Variants in PXDNL observed in about 807,000 individuals in gnomAD.
PXDNL encodes peroxidasin like.
Under a neutral mutation model 150.8 loss-of-function variants are expected in PXDNL, and 145 were observed. That is an observed-to-expected ratio of 0.96 (90% CI 0.84 to 1.10). PXDNL has a LOEUF of 1.10. Among genes scored for constraint, PXDNL ranks in the 50% least tolerant of loss-of-function variants. The probability of loss-of-function intolerance (pLI) is 0.00; values close to 1 mark genes in which losing one functional copy is unlikely to be tolerated. For synonymous variants in PXDNL, 757 were observed against 725.7 expected, an observed-to-expected ratio of 1.04 and a Z score of -0.69; for missense variants, 2,087 against 1,873.9, an observed-to-expected ratio of 1.11 and a Z score of -2.10.
intron 5 of PXDNL, among the ~76,000 whole-genome samples, chr8:51,491,840 GT>G (rs1395978779): frequency 3.3e-5 from 5 of 152,354 alleles, no homozygotes; most frequent in Admixed American, 2.6e-4. Flanking sequence ...GTCTTTTGAA[GT>G]TATTAACCAT....
intron 1 of PXDNL, among the ~76,000 whole-genome samples, chr8:51,799,204 AAGG>A (rs1477510839): frequency 1.3e-5 from 2 of 152,108 alleles, no homozygotes; most frequent in African/African-American, 2.4e-5. Context: ...ACATGGACAC[AAGG>A]AGGAGAAAAA....
At chr8:51,368,865 G>A (rs1807003322) in intron 19 of PXDNL, among the ~76,000 whole-genome samples, 1 of 152,014 alleles carries the variant, frequency 6.6e-6, no homozygotes, top group African/African-American at 2.4e-5. Context: ...GCGCAGTGGT[G>A]CGGGCCTGTA....
intron 4 of PXDNL, among the ~76,000 whole-genome samples, chr8:51,527,498 A>G (rs2130413366): frequency 6.6e-6 from 1 of 152,330 alleles, no homozygotes; most frequent in African/African-American, 2.4e-5. Flanking sequence ...ACACTGTTCC[A>G]GCTGCTTTAT....
At chr8:51,648,428 G>A (rs1814969476) in intron 2 of PXDNL, among the ~76,000 whole-genome samples, 1 of 152,220 alleles carries the variant, frequency 6.6e-6, no homozygotes, top group South Asian at 2.1e-4. Context: ...AGAGATTGGA[G>A]TGATGTGGAC....
At chr8:51,651,408 A>G (rs1193181974) in intron 2 of PXDNL, among the ~76,000 whole-genome samples, 1 of 152,228 alleles carries the variant, frequency 6.6e-6, no homozygotes, top group Non-Finnish European at 1.5e-5. Flanking sequence ...TTCAAAATAA[A>G]ACGTCAGAGG....
chr8:51,320,824 T>C lies in PXDNL; in HGVS notation c.4220A>G (p.Glu1407Gly), dbSNP rs1805293973. 1 of 1,613,962 alleles carries C rather than the reference T, an allele frequency of 6.2e-7. No individual in the cohort carries two copies. The highest frequency in any genetic ancestry group is 8.5e-7 in the Non-Finnish European group (1 of 1,179,856). Residue 1407 changes from glutamate (E) to glycine (G), a missense_variant, in exon 22 of 23, where the codon GAG (glutamate) becomes GGG (glycine). Transcript: ENST00000356297. ...DVRGVPRKAE[E>G]RWMKEDCTHC... ...AGTGCAGTCTTCTTTCATCCAGCGC[T>C]CCTCGGCCTTCCTTGGAACCCCTCT...
intron 3 of PXDNL, among the ~76,000 whole-genome samples, chr8:51,576,060 A>G (rs1459034343): frequency 7.4e-6 from 1 of 135,540 alleles, no homozygotes; most frequent in Non-Finnish European, 1.5e-5. Context: ...AGATAAATGC[A>G]TAGTTATAGT....
At chr8:51,460,918 A>T (rs1810063229) in intron 8 of PXDNL, among the ~76,000 whole-genome samples, 1 of 152,120 alleles carries the variant, frequency 6.6e-6, no homozygotes, top group Non-Finnish European at 1.5e-5. Flanking sequence ...CTGGGCTGGG[A>T]TAGAGCAGGG....
At chr8:51,536,880 T>C (rs1434682956) in intron 4 of PXDNL, among the ~76,000 whole-genome samples, 1 of 152,138 alleles carries the variant, frequency 6.6e-6, no homozygotes, top group East Asian at 1.9e-4. Context: ...GAAGATGACA[T>C]TTTCACGACT....
intron 2 of PXDNL, among the ~76,000 whole-genome samples, chr8:51,624,585 A>G (rs1240990568): frequency 6.6e-6 from 1 of 151,248 alleles, no homozygotes; most frequent in Non-Finnish European, 1.5e-5. Flanking sequence ...ATAATCACAA[A>G]TATAATTACC....
intron 17 of PXDNL, among the ~76,000 whole-genome samples, chr8:51,382,130 C>A (rs1330169214): frequency 3.9e-5 from 6 of 152,086 alleles, no homozygotes; most frequent in African/African-American, 1.4e-4. Context: ...AGCCACCGCT[C>A]CGGGCCATGG....
At chr8:51,794,673 A>G (rs2037543600) in intron 1 of PXDNL, among the ~76,000 whole-genome samples, 1 of 152,178 alleles carries the variant, frequency 6.6e-6, no homozygotes, top group African/African-American at 2.4e-5. Flanking sequence ...CTAAATATGG[A>G]AAAGAAAAAC....
intron 2 of PXDNL, among the ~76,000 whole-genome samples, chr8:51,628,378 C>G (rs559118711): frequency 6.3e-4 from 91 of 145,524 alleles, no homozygotes; most frequent in African/African-American, 2.2e-3. Flanking sequence ...TTTTTCATCT[C>G]TCTCTGTTTT....
At chr8:51,691,419 A>C (rs1815994321) in intron 1 of PXDNL, among the ~76,000 whole-genome samples, 2 of 152,168 alleles carry the variant, frequency 1.3e-5, no homozygotes, top group African/African-American at 4.8e-5. Context: ...CCATTTATTA[A>C]ATAGGGAATC....
At chr8:51,756,100 A>T (rs1177303473) in intron 1 of PXDNL, among the ~76,000 whole-genome samples, 1 of 152,178 alleles carries the variant, frequency 6.6e-6, no homozygotes, top group Admixed American at 6.5e-5. Flanking sequence ...CTCTTAAAAA[A>T]AATCTGAATT....
chr8:51,772,115 C>T (rs574629726), intron 1 of PXDNL, among the ~76,000 whole-genome samples: 43 of 152,190 alleles, frequency 2.8e-4, no homozygotes, highest in African/African-American at 1.0e-3. Context: ...ACTCACCCCG[C>T]ACACCATGTC....
intron 1 of PXDNL, among the ~76,000 whole-genome samples, chr8:51,764,730 G>T (rs983861443): frequency 2.6e-5 from 4 of 152,098 alleles, no homozygotes; most frequent in Admixed American, 2.6e-4. Flanking sequence ...GCTACCATAT[G>T]AACTATCCTA....
chr8:51,434,434 G>A (rs958779824), intron 12 of PXDNL, among the ~76,000 whole-genome samples: 2 of 152,070 alleles, frequency 1.3e-5, no homozygotes, highest in Non-Finnish European at 2.9e-5. Context: ...ACACTCTCTG[G>A]AATACACGAT....
At chr8:51,757,677 G>A (rs2037116960) in intron 1 of PXDNL, among the ~76,000 whole-genome samples, 1 of 152,090 alleles carries the variant, frequency 6.6e-6, no homozygotes, top group African/African-American at 2.4e-5. Context: ...TTATTACTTT[G>A]ATCAGTAACT....
Sources: allele counts gnomAD v4.1 joint callset (sites outside exome capture counted in the v4.1 genomes callset), GRCh38; gene constraint gnomAD v4.1.1; transcripts MANE v1.5; gene names NCBI Gene and HGNC (gene_info 2026-07-23, HGNC 2026-07-21).